Variants in FAP observed in about 807,000 individuals in gnomAD.
FAP encodes the protein prolyl endopeptidase FAP.
A neutral mutation model predicts 126.5 loss-of-function variants in FAP; 110 were observed. That is an observed-to-expected ratio of 0.87 (90% CI 0.74 to 1.02). FAP has a LOEUF of 1.02. Among genes scored for constraint, FAP ranks in the 50% least tolerant of loss-of-function variants. The pLI is 0.00. For synonymous variants in FAP, 334 were observed against 297.3 expected (o/e 1.12, Z -1.27); for missense variants, 919 against 909.2 (o/e 1.01, Z -0.14).
In FAP at chr2:162,242,774, A is replaced by C. The variant is rs1576208974; in HGVS notation, c.91+134T>G. Reference sequence around the variant, plus strand: ...TGCACAACAACATATCTGTGAGCTTATATGTCTTCTTAGAAATAACAGACT... The same window carrying C: ...TGCACAACAACATATCTGTGAGCTTCTATGTCTTCTTAGAAATAACAGACT... On this transcript the variant is annotated intron_variant, in intron 2 of 25. Transcript: ENST00000188790. The C allele has an allele frequency of 1.5e-5, 10 of 662,412 alleles. No homozygotes were observed. In the East Asian group the frequency reaches 2.5e-4, roughly 16 times the overall value. 41.0% of individuals were successfully genotyped at this position (662,412 alleles called of 1,614,324 possible).
In FAP at chr2:162,213,923, C is replaced by G. The variant is rs764058956; in HGVS notation, c.1002+15G>C. On this transcript the variant is annotated intron_variant, in intron 11 of 25. Transcript: ENST00000188790. ...ATCTTCAGAAATACGTATCTGTGATCTTAATATACCCTACCTTTGGACAAT... is the reference window on the plus strand; with the variant it reads ...ATCTTCAGAAATACGTATCTGTGATGTTAATATACCCTACCTTTGGACAAT... 1.2e-6 allele frequency: 2 copies of G among 1,608,254 alleles called. No individual in the cohort carries two copies. Among genetic ancestry groups the G allele is most frequent in the Non-Finnish European group, 1.7e-6 (2 of 1,176,906 alleles).
At chr2:162,231,046 G>C (rs1689878857) in intron 2 of FAP, among the ~76,000 whole-genome samples, 1 of 152,112 alleles carries the variant, frequency 6.6e-6, no homozygotes, top group African/African-American at 2.4e-5. Context: ...CCTGTTCAAT[G>C]ACCTTGCTCA....
At chr2:162,231,382 T>C (rs2106295450) in intron 2 of FAP, among the ~76,000 whole-genome samples, 1 of 152,336 alleles carries the variant, frequency 6.6e-6, no homozygotes, top group Middle Eastern at 3.4e-3. Flanking sequence ...TACTTGATGA[T>C]TTTGGAAGAT....
intron 24 of FAP, 105 bp downstream of exon 24, chr2:162,173,044 T>C: frequency 2.5e-6 from 3 of 1,179,246 alleles, no homozygotes; most frequent in Non-Finnish European, 3.8e-6. Context: ...CCCTGACTCT[T>C]AGGTACTGAC....
At chr2:162,218,812 T>C (rs1210116820) in intron 8 of FAP, among the ~76,000 whole-genome samples, 1 of 152,006 alleles carries the variant, frequency 6.6e-6, no homozygotes, top group Non-Finnish European at 1.5e-5. Flanking sequence ...GAGGACCATA[T>C]ACTTTTTTGG....
chr2:162,222,075 G>A (rs1216528818), intron 6 of FAP, among the ~76,000 whole-genome samples: 1 of 151,842 alleles, frequency 6.6e-6, no homozygotes, highest in East Asian at 1.9e-4. Context: ...TGTGATTTTA[G>A]GCCATAAAGT....
intron 5 of FAP, 56 bp from the exon 6 acceptor site, chr2:162,223,716 A>G: frequency 9.3e-7 from 1 of 1,070,182 alleles, no homozygotes; most frequent in Non-Finnish European, 1.5e-6. Flanking sequence ...AGCTTATATC[A>G]ATAATGTATA....
chr2:162,218,169 A>G (rs763881968), intron 8 of FAP, 29 bp from the exon 9 acceptor site: 3 of 1,437,532 alleles, frequency 2.1e-6, no homozygotes, highest in African/African-American at 1.4e-5. Flanking sequence ...GATATTAACT[A>G]TAATTACATC....
At chr2:162,194,808 G>T in intron 16 of FAP, 60 bp from the exon 17 acceptor site, 2 of 1,458,500 alleles carry the variant, frequency 1.4e-6, no homozygotes, top group Non-Finnish European at 9.6e-7. Flanking sequence ...TCCTTTTCAA[G>T]ACGGGCTGCT....
chr2:162,217,936 T>A (rs545966471), intron 9 of FAP, 50 bp downstream of exon 9: 5 of 1,434,136 alleles, frequency 3.5e-6, no homozygotes, highest in Non-Finnish European at 3.8e-6. Context: ...AAATCATTGC[T>A]CATTTTGATA....
chr2:162,178,248 G>A (rs891605360), intron 21 of FAP, among the ~76,000 whole-genome samples: 19 of 152,170 alleles, frequency 1.2e-4, no homozygotes, highest in Non-Finnish European at 8.8e-5. Context: ...TTAACAAAGC[G>A]AAGCCCAGAA....
At chr2:162,226,681 C>T (rs1310266962) in intron 2 of FAP, 60 bp from the exon 3 acceptor site, 5 of 907,590 alleles carry the variant, frequency 5.5e-6, no homozygotes, top group African/African-American at 5.0e-5. Flanking sequence ...CAAATAAATT[C>T]TAAGCCTGGC....
chr2:162,179,591 A>G (rs1687612135), intron 21 of FAP, among the ~76,000 whole-genome samples: 1 of 152,122 alleles, frequency 6.6e-6, no homozygotes, highest in African/African-American at 2.4e-5. Context: ...TATAAGAGAA[A>G]TGCAAAGAGC....
chr2:162,197,534 A>G (rs967689210), intron 16 of FAP: 2 of 456,554 alleles, frequency 4.4e-6, no homozygotes, highest in African/African-American at 4.0e-5. Flanking sequence ...GATGCCATTG[A>G]CCAAACATTT....
intron 4 of FAP, 37 bp from the exon 5 acceptor site, chr2:162,224,577 G>C (rs1689556495): frequency 7.9e-7 from 1 of 1,259,300 alleles, no homozygotes; most frequent in South Asian, 1.3e-5. Context: ...ATACAGAAAA[G>C]ATAACAAAGA....
chr2:162,226,551 A>C lies in FAP; in HGVS notation c.162T>G (p.Tyr54Ter). 1 of 1,587,542 alleles carries C rather than the reference A, an allele frequency of 6.3e-7. No individual in the cohort carries two copies. ...AAATCCAGTTTGGAAAAAATGTTTT[A>C]TAAGAAAATGTTCCATTTAAAATAT... ...LKDILNGTFS[Y>*]KTFFPNWISG... Residue 54 changes from tyrosine (Y) to a stop codon, truncating the protein, a stop_gained, in exon 3 of 26, where the codon TAT (tyrosine) becomes TAG (stop). Transcript: ENST00000188790. LOFTEE classifies it high-confidence loss of function.
At chr2:162,235,905 T>C (rs941744597) in intron 2 of FAP, among the ~76,000 whole-genome samples, 10 of 152,202 alleles carry the variant, frequency 6.6e-5, no homozygotes, top group African/African-American at 2.4e-4. Flanking sequence ...CCGGACACAG[T>C]GTGACATTAG....
rs1368341283 is a variant in FAP at position 162,220,327 on chromosome 2, A to G, written c.414-402T>C. Among the ~76,000 whole-genome samples the G allele has an allele frequency of 2.6e-5, 4 of 152,206 alleles. No homozygotes were observed. In the East Asian group the frequency reaches 7.7e-4, roughly 29 times the overall value. On this transcript the variant is annotated intron_variant, in intron 6 of 25. Coordinates refer to ENST00000188790, the MANE Select transcript of FAP (RefSeq NM_004460.5). ...ATTGCTAGTTCTTGGCAGACCTTGAATTAAACTCAAGTCCTTTTAACCCCT... is the reference window on the plus strand; with the variant it reads ...ATTGCTAGTTCTTGGCAGACCTTGAGTTAAACTCAAGTCCTTTTAACCCCT...
chr2:162,194,380 G>T (rs531308014), intron 17 of FAP, among the ~76,000 whole-genome samples: 1 of 150,160 alleles, frequency 6.7e-6, no homozygotes, highest in South Asian at 2.1e-4. Flanking sequence ...AAGGAAGATC[G>T]TACTGAATGT....
Sources: gnomAD v4.1 joint callset for allele counts (sites outside exome capture counted in the v4.1 genomes callset) on GRCh38, gnomAD v4.1.1 for gene constraint, MANE v1.5 for transcripts, NCBI Gene and HGNC (gene_info 2026-07-23, HGNC 2026-07-21) for gene names.